Variants in RAD52 observed in about 807,000 individuals in gnomAD.
The protein encoded by RAD52 is DNA repair protein RAD52 homolog.
In RAD52, 47 loss-of-function variants were observed where a neutral mutation model predicts 55.5. The observed-to-expected ratio is 0.85, with a 90% CI of 0.67 to 1.08. The LOEUF (loss-of-function observed/expected upper bound fraction) is 1.08, where lower values mean the gene tolerates loss of function less well. Ranked by LOEUF, RAD52 falls within the 50% of genes least tolerant of loss-of-function variation. RAD52 has a pLI of 0.00. For synonymous variants in RAD52, 184 were observed against 198.9 expected, an observed-to-expected ratio of 0.92 and a Z score of 0.63; for missense variants, 468 against 522.8, an observed-to-expected ratio of 0.90 and a Z score of 1.02.
chr12:975,904 C>T (rs1225264180), intron 1 of RAD52: 1 of 152,216 alleles, frequency 6.6e-6, no homozygotes, highest in East Asian at 1.9e-4. Context: ...GTCTCTGTTG[C>T]TGGTTCTTTC....
At chr12:928,248 A>C (rs1436602191) in intron 5 of RAD52, among the ~76,000 whole-genome samples, 1 of 152,218 alleles carries the variant, frequency 6.6e-6, no homozygotes, top group Non-Finnish European at 1.5e-5. Flanking sequence ...GCGGTGGCTC[A>C]CGCCTGTAAT....
intron 1 of RAD52, among the ~76,000 whole-genome samples, chr12:970,914 C>T (rs1019717032): frequency 1.3e-5 from 2 of 149,742 alleles, no homozygotes; most frequent in Non-Finnish European, 3.0e-5. Flanking sequence ...CAAATATATA[C>T]GTAGAGAGAG....
At chr12:947,572 A>G (rs1166369500) in intron 1 of RAD52, among the ~76,000 whole-genome samples, 2 of 143,154 alleles carry the variant, frequency 1.4e-5, no homozygotes, top group African/African-American at 5.3e-5. Flanking sequence ...GTCCCCCCAA[A>G]AAACAACAGA....
At chr12:915,234 G>A (rs1030425230) in intron 9 of RAD52, among the ~76,000 whole-genome samples, 2 of 152,230 alleles carry the variant, frequency 1.3e-5, no homozygotes, top group Non-Finnish European at 2.9e-5. Flanking sequence ...GGAAAGGCCT[G>A]GAGGGCAGCT....
intron 7 of RAD52, among the ~76,000 whole-genome samples, chr12:920,689 A>G (rs1220419711): frequency 1.3e-5 from 2 of 152,242 alleles, no homozygotes; most frequent in African/African-American, 4.8e-5. Context: ...TAAAAGCAAC[A>G]CAATAATAGT....
chr12:969,997 T>G (rs1958819452), intron 1 of RAD52, among the ~76,000 whole-genome samples: 1 of 151,906 alleles, frequency 6.6e-6, no homozygotes, highest in Non-Finnish European at 1.5e-5. Flanking sequence ...TCTTCATATA[T>G]CCCACTCCAT....
At chr12:986,828 A>G (rs796634484) in intron 1 of RAD52, among the ~76,000 whole-genome samples, 5 of 147,618 alleles carry the variant, frequency 3.4e-5, no homozygotes, top group African/African-American at 1.3e-4. Context: ...CAGAACTCCT[A>G]CCCTTCTGTT....
chr12:918,094 T>TAC (rs1956505320), intron 7 of RAD52, among the ~76,000 whole-genome samples: 1 of 152,146 alleles, frequency 6.6e-6, no homozygotes, highest in Admixed American at 6.6e-5. Context: ...ACTAAACACG[T>TAC]ACCTATCTTC....
upstream of RAD52, among the ~76,000 whole-genome samples, chr12:950,062 G>A (rs1044608183): frequency 1.3e-5 from 2 of 152,186 alleles, no homozygotes; most frequent in Non-Finnish European, 2.9e-5. Context: ...AGGATGCGGG[G>A]CCCGCCCACC....
At chr12:961,180 G>T (rs1270434880) in intron 1 of RAD52, among the ~76,000 whole-genome samples, 1 of 151,544 alleles carries the variant, frequency 6.6e-6, no homozygotes, top group Non-Finnish European at 1.5e-5. Context: ...CGTGGTGGCA[G>T]GCGCCTGTAA....
intron 1 of RAD52, among the ~76,000 whole-genome samples, chr12:982,661 T>TTC (rs1340937518): frequency 2.0e-5 from 3 of 147,136 alleles, no homozygotes; most frequent in Admixed American, 6.8e-5. Flanking sequence ...CTAGACTTTT[T>TTC]TTTTTTTTTT....
At chr12:913,775 C>T (rs1402773884) in intron 11 of RAD52, 119 bp downstream of exon 11, 3 of 944,430 alleles carry the variant, frequency 3.2e-6, no homozygotes, top group Admixed American at 4.5e-5. Flanking sequence ...AGTACCATTC[C>T]CTAATAGAAG....
chr12:921,806 GC>G (rs1956740938), intron 7 of RAD52, among the ~76,000 whole-genome samples: 1 of 152,058 alleles, frequency 6.6e-6, no homozygotes, highest in South Asian at 2.1e-4. Context: ...TGGCCAACAA[GC>G]ATATGAAAAT....
intron 5 of RAD52, among the ~76,000 whole-genome samples, chr12:928,180 A>C (rs1957141710): frequency 1.3e-5 from 2 of 152,186 alleles, no homozygotes; most frequent in African/African-American, 4.8e-5. Flanking sequence ...TATTTAGAAA[A>C]ATAAGTCAGA....
intron 5 of RAD52, among the ~76,000 whole-genome samples, chr12:928,261 C>T (rs1957146965): frequency 6.6e-6 from 1 of 152,142 alleles, no homozygotes; most frequent in African/African-American, 2.4e-5. Flanking sequence ...CCTGTAATCC[C>T]AGCACTTTTG....
chr12:922,198 A>AC (rs1956769036), intron 7 of RAD52, among the ~76,000 whole-genome samples: 2 of 146,424 alleles, frequency 1.4e-5, no homozygotes. Flanking sequence ...GCTTAAAAAA[A>AC]AAAAAAAAAA....
At chr12:917,248 C>T (rs1450464645) in intron 7 of RAD52, among the ~76,000 whole-genome samples, 1 of 152,308 alleles carries the variant, frequency 6.6e-6, no homozygotes, top group South Asian at 2.1e-4. Context: ...ACGAAGAACC[C>T]TTCAAACGAC....
chr12:984,668 CTT>C (rs762015138), intron 1 of RAD52, among the ~76,000 whole-genome samples: 13 of 144,076 alleles, frequency 9.0e-5, no homozygotes, highest in Admixed American at 1.4e-4. Context: ...ATACAAAAGA[CTT>C]TTTTTTTTTT....
intron 1 of RAD52, among the ~76,000 whole-genome samples, chr12:943,595 C>T (rs7305042): frequency 6.6e-6 from 1 of 151,940 alleles, no homozygotes; most frequent in Non-Finnish European, 1.5e-5. Context: ...GTGATCCCCC[C>T]GCCTCGGCCT....
Sources: allele counts gnomAD v4.1 joint callset (sites outside exome capture counted in the v4.1 genomes callset), GRCh38; gene constraint gnomAD v4.1.1; transcripts MANE v1.5; gene names NCBI Gene and HGNC (gene_info 2026-07-23, HGNC 2026-07-21).